ZFHX3: variants seen among roughly 807,000 people sequenced by gnomAD.
ZFHX3 encodes the protein zinc finger homeobox protein 3.
A neutral mutation model predicts 279.1 loss-of-function variants in ZFHX3; 42 were observed. That is an observed-to-expected ratio of 0.15 (90% CI 0.12 to 0.19). The LOEUF (loss-of-function observed/expected upper bound fraction) is 0.19, where lower values mean the gene tolerates loss of function less well. Among genes scored for constraint, ZFHX3 ranks in the 10% least tolerant of loss-of-function variants. The pLI, the probability that ZFHX3 is intolerant of heterozygous loss-of-function variation, is 1.00. For missense variants in ZFHX3, 4,981 were observed against 4,754.0 expected, an observed-to-expected ratio of 1.05 and a Z score of -1.40; for synonymous variants, 2,293 against 1,957.8, an observed-to-expected ratio of 1.17 and a Z score of -4.52.
chr16:73,450,918 T>C (rs960753446), intron 3 of ZFHX3, among the ~76,000 whole-genome samples: 1 of 152,218 alleles, frequency 6.6e-6, no homozygotes, highest in Non-Finnish European at 1.5e-5. Flanking sequence ...TAGCTTTCTG[T>C]TGAGCTTCAT....
At chr16:73,037,399 G>T (rs561368495) in intron 1 of ZFHX3, among the ~76,000 whole-genome samples, 1 of 152,320 alleles carries the variant, frequency 6.6e-6, no homozygotes, top group Non-Finnish European at 1.5e-5. Flanking sequence ...CTGCTCATCT[G>T]TCGTCTAGAA....
intron 1 of ZFHX3, among the ~76,000 whole-genome samples, chr16:73,803,598 C>A (rs185442423): frequency 6.6e-6 from 1 of 152,060 alleles, no homozygotes; most frequent in Non-Finnish European, 1.5e-5. Flanking sequence ...TTATTTAATT[C>A]TTGAATGTTA....
At chr16:73,835,092 C>A (rs142647396) in intron 1 of ZFHX3, among the ~76,000 whole-genome samples, 1 of 152,116 alleles carries the variant, frequency 6.6e-6, no homozygotes, top group Admixed American at 6.6e-5. Context: ...TTATGACTCC[C>A]CCAGCTACCA....
At chr16:73,745,571 A>G (rs2053696230) in intron 1 of ZFHX3, among the ~76,000 whole-genome samples, 3 of 152,194 alleles carry the variant, frequency 2.0e-5, no homozygotes. Flanking sequence ...TCAACTTTAC[A>G]AAATAGTGCT....
chr16:73,697,544 C>G (rs1271788194), intron 1 of ZFHX3, among the ~76,000 whole-genome samples: 2 of 152,050 alleles, frequency 1.3e-5, no homozygotes, highest in Admixed American at 1.3e-4. Context: ...TGAGTCATCC[C>G]CAGGTCTCCA....
intron 2 of ZFHX3, among the ~76,000 whole-genome samples, chr16:73,553,488 T>C (rs894009058): frequency 1.3e-5 from 2 of 151,914 alleles, no homozygotes; most frequent in Non-Finnish European, 2.9e-5. Flanking sequence ...GTGAGCAGAG[T>C]CCAGACCAGG....
intron 3 of ZFHX3, among the ~76,000 whole-genome samples, chr16:73,433,743 T>C (rs2017948652): frequency 6.6e-6 from 1 of 152,174 alleles, no homozygotes; most frequent in Admixed American, 6.5e-5. Flanking sequence ...ATGATGCTTC[T>C]GGAAGGGCCT....
chr16:73,226,339 G>A (rs1488865519), intron 5 of ZFHX3, among the ~76,000 whole-genome samples: 5 of 152,346 alleles, frequency 3.3e-5, no homozygotes, highest in East Asian at 3.9e-4. Context: ...AAACGGCTTC[G>A]TCCTACATCT....
At chr16:73,261,211 T>A (rs760610175) in intron 4 of ZFHX3, among the ~76,000 whole-genome samples, 1 of 152,228 alleles carries the variant, frequency 6.6e-6, no homozygotes, top group Non-Finnish European at 1.5e-5. Flanking sequence ...AATAAATTGC[T>A]TCAAAAATAT....
At chr16:73,784,533 G>C (rs568026984) in intron 1 of ZFHX3, among the ~76,000 whole-genome samples, 1 of 152,020 alleles carries the variant, frequency 6.6e-6, no homozygotes. Flanking sequence ...CAGATCATGA[G>C]GTCAAGAGAT....
intron 1 of ZFHX3, among the ~76,000 whole-genome samples, chr16:72,988,413 G>C (rs1962936351): frequency 2.0e-5 from 3 of 152,232 alleles, no homozygotes; most frequent in African/African-American, 7.2e-5. Context: ...CACTGGATCA[G>C]GAAGCTGTGG....
At chr16:73,773,050 G>C (rs2054037289) in intron 1 of ZFHX3, among the ~76,000 whole-genome samples, 1 of 152,218 alleles carries the variant, frequency 6.6e-6, no homozygotes, top group Non-Finnish European at 1.5e-5. Flanking sequence ...GATCAGTGCA[G>C]GGGCTGTTAG....
intron 3 of ZFHX3, among the ~76,000 whole-genome samples, chr16:73,410,277 G>A (rs369623584): frequency 2.2e-4 from 33 of 152,206 alleles, no homozygotes; most frequent in Middle Eastern, 3.4e-3. Context: ...TTAGCTAGGC[G>A]TGGTAGCAGC....
chr16:73,130,535 A>G (rs1270376541), intron 7 of ZFHX3, among the ~76,000 whole-genome samples: 1 of 152,260 alleles, frequency 6.6e-6, no homozygotes. Context: ...GGTTTGCCCT[A>G]TCATTTTAAA....
Position 72,950,565 on chromosome 16 carries a change from G to C in ZFHX3, c.3120C>G (p.Leu1040=), listed in dbSNP as rs898787333. ...TGTAGTAGTCACAGGCGTTGCACTT[G>C]AGGTGCACGGGGTTGCCGATGGCCA... is the stretch of plus-strand genomic sequence containing the variant. ...KCVAIGNPVH[L]KCNACDYYTN... Residue 1040 remains leucine (L), a synonymous_variant, in exon 3 of 10, where the codon CTC becomes CTG. Transcript: ENST00000268489. The C allele has an allele frequency of 6.2e-7, 1 of 1,614,104 alleles. No homozygotes were observed. The highest frequency in any genetic ancestry group is 8.5e-7 in the Non-Finnish European group (1 of 1,180,046).
chr16:73,546,483 G>C lies in ZFHX3; in HGVS notation c.-1546-90225C>G, dbSNP rs373586230. Among the ~76,000 whole-genome samples, 36 of 109,322 alleles carry C rather than the reference G, an allele frequency of 3.3e-4. No homozygotes were observed. In the East Asian group the frequency reaches 1.0e-2, roughly 30 times the overall value. The allele number at this position is 109,322 out of a possible 152,430, so 71.7% of individuals were successfully genotyped here. On this transcript the variant is annotated intron_variant, in intron 2 of 17. Transcript: ENST00000641206. Reference sequence around the variant, plus strand: ...ACAGGGTCGGTAGTTGTTTTGTTTTGTTTTCTTTTTGGCGGGGGGCGGGGG... The same window carrying C: ...ACAGGGTCGGTAGTTGTTTTGTTTTCTTTTCTTTTTGGCGGGGGGCGGGGG...
intron 1 of ZFHX3, among the ~76,000 whole-genome samples, chr16:73,706,742 C>T (rs1343366318): frequency 1.3e-5 from 2 of 152,132 alleles, no homozygotes; most frequent in African/African-American, 4.8e-5. Context: ...CATAGTTCCC[C>T]ATCCTTCAAA....
chr16:73,875,802 T>C (rs573129755), intron 1 of ZFHX3, among the ~76,000 whole-genome samples: 43 of 152,360 alleles, frequency 2.8e-4, no homozygotes, highest in Admixed American at 3.9e-4. Flanking sequence ...GTTACGCATG[T>C]ATATTTCTGG....
At chr16:73,183,907 G>A (rs952756404) in intron 5 of ZFHX3, among the ~76,000 whole-genome samples, 2 of 151,986 alleles carry the variant, frequency 1.3e-5, no homozygotes, top group African/African-American at 4.8e-5. Context: ...TCTTTGCCCT[G>A]GAATATCATG....
Sources: gnomAD v4.1 joint callset for allele counts (sites outside exome capture counted in the v4.1 genomes callset) on GRCh38, gnomAD v4.1.1 for gene constraint, MANE v1.5 for transcripts, NCBI Gene and HGNC (gene_info 2026-07-23, HGNC 2026-07-21) for gene names.